The following NCAPG2 variants were observed in gnomAD, a reference collection of about 807,000 sequenced individuals.
NCAPG2 encodes condensin-2 complex subunit G2.
In NCAPG2, 53 loss-of-function variants were observed where a neutral mutation model predicts 141.1. The observed-to-expected ratio is 0.38, with a 90% CI of 0.30 to 0.47. The LOEUF (loss-of-function observed/expected upper bound fraction) is 0.47, where lower values mean the gene tolerates loss of function less well. NCAPG2 is among the 20% of genes least tolerant of loss of function. The pLI, the probability that NCAPG2 is intolerant of heterozygous loss-of-function variation, is 0.99. For synonymous variants in NCAPG2, 499 were observed against 490.7 expected, an observed-to-expected ratio of 1.02 and a Z score of -0.22; for missense variants, 1,087 against 1,389.0, an observed-to-expected ratio of 0.78 and a Z score of 3.46.
At chr7:158,658,149 T>TAAAA (rs11444440) in intron 17 of NCAPG2, among the ~76,000 whole-genome samples, 189 bp downstream of exon 17, 1 of 97,496 alleles carries the variant, frequency 1.0e-5, no homozygotes, top group African/African-American at 4.2e-5. Context: ...GAATGATCAA[T>TAAAA]AAAAAAAAAA....
intron 19 of NCAPG2, 72 bp from the exon 20 acceptor site, chr7:158,655,527 A>C: frequency 7.9e-7 from 1 of 1,272,984 alleles, no homozygotes; most frequent in Non-Finnish European, 1.1e-6. Context: ...AGCAAGAACA[A>C]TGGGAAGCAC....
intron 15 of NCAPG2, among the ~76,000 whole-genome samples, chr7:158,662,733 C>T (rs1267531658): frequency 6.6e-6 from 1 of 152,144 alleles, no homozygotes; most frequent in Non-Finnish European, 1.5e-5. Context: ...CACCACAAAT[C>T]TCGATGCAGG....
At chr7:158,701,765 G>C in intron 2 of NCAPG2, 57 bp downstream of exon 2, 1 of 1,427,022 alleles carries the variant, frequency 7.0e-7, no homozygotes, top group Non-Finnish European at 9.9e-7. Flanking sequence ...AATGACTTTA[G>C]AACATATTTC....
In NCAPG2 at chr7:158,694,514, C is replaced by G. The variant is rs150330681; in HGVS notation, c.79-1017G>C. Among the ~76,000 whole-genome samples, 24 of 152,302 alleles carry G rather than the reference C, an allele frequency of 1.6e-4. 1 individual carries two copies. Among genetic ancestry groups the G allele is most frequent in the African/African-American group, 5.3e-4 (22 of 41,568 alleles). ...CCACACAGGGACGGACAGACCATGC[C>G]ATGCGCTTCCTGTCTTGACAGCGCC... On this transcript the variant is annotated intron_variant, in intron 2 of 27. Coordinates refer to ENST00000356309, the MANE Select transcript of NCAPG2 (RefSeq NM_017760.7).
At chr7:158,699,592 C>G (rs764386393) in intron 2 of NCAPG2, among the ~76,000 whole-genome samples, 33 of 152,282 alleles carry the variant, frequency 2.2e-4, no homozygotes, top group Non-Finnish European at 4.6e-4. Context: ...TCCAACCCCA[C>G]TGCACTGCAC....
At chr7:158,697,219 G>C (rs1361351650) in intron 2 of NCAPG2, among the ~76,000 whole-genome samples, 1 of 152,212 alleles carries the variant, frequency 6.6e-6, no homozygotes, top group African/African-American at 2.4e-5. Context: ...TGTTAAGGTG[G>C]AAGACAGTGA....
rs564229707 is a variant in NCAPG2, at chr7:158,655,847, G to A, written c.2389-392C>T. On this transcript the variant is annotated intron_variant, in intron 19 of 27. Coordinates refer to ENST00000356309, the MANE Select transcript of NCAPG2 (RefSeq NM_017760.7). ...CTCCTGGAGGAGAGGAAGAGATGAC[G>A]GCCTCCGTGGGACAGCTGGGAGCAT... 3.5e-4 allele frequency among the ~76,000 whole-genome samples: 31 copies of A among 89,642 alleles called. No homozygotes were observed. The East Asian group carries it at 3.7e-3, about 11-fold the overall frequency. The allele number at this position is 89,642 out of a possible 152,430, so 58.8% of individuals were successfully genotyped here.
At chr7:158,702,086 C>T (rs1246467179) in intron 1 of NCAPG2, 148 bp from the exon 2 acceptor site, 2 of 527,876 alleles carry the variant, frequency 3.8e-6, no homozygotes, top group Admixed American at 4.0e-5. Flanking sequence ...ATAAAACACG[C>T]TATAATATCT....
rs1831667522 is a variant in NCAPG2, at chr7:158,653,609, G to A, written c.2746+986C>T. On this transcript the variant is annotated intron_variant, in intron 22 of 27. Transcript: ENST00000356309. ...TACACTGGGGGTGTCCACACACACA[G>A]ACCCCTCTGGAATCTGCCATGAAGA... 4.6e-5 allele frequency among the ~76,000 whole-genome samples: 7 copies of A among 152,264 alleles called. No individual in the cohort carries two copies. The South Asian group carries it at 1.5e-3, about 32-fold the overall frequency.
At chr7:158,704,530 A>T (rs1037524537) in intron 1 of NCAPG2, among the ~76,000 whole-genome samples, 194 bp downstream of exon 1, 1 of 152,132 alleles carries the variant, frequency 6.6e-6, no homozygotes, top group Non-Finnish European at 1.5e-5. Context: ...TGAGCTGGGT[A>T]GGGGGGATGG....
In NCAPG2 at chr7:158,675,659, A is replaced by G. The variant is rs186677754; in HGVS notation, c.1147-3T>C. The G allele has an allele frequency of 5.6e-6, 9 of 1,607,154 alleles. No homozygotes were observed. In the East Asian group the frequency reaches 6.7e-5, roughly 12 times the overall value. On this transcript the variant is annotated splice_region_variant and splice_polypyrimidine_tract_variant and intron_variant, in intron 11 of 27. Coordinates refer to ENST00000356309, the MANE Select transcript of NCAPG2 (RefSeq NM_017760.7). ...GGGTAAGGATCTTCTAAAAGGCTCTATAAGTAGGAGGGGAGAAAGGCTTAA... is the reference window on the plus strand; with the variant it reads ...GGGTAAGGATCTTCTAAAAGGCTCTGTAAGTAGGAGGGGAGAAAGGCTTAA...
At chr7:158,648,541 A>G (rs1467286895) in intron 24 of NCAPG2, among the ~76,000 whole-genome samples, 1 of 148,642 alleles carries the variant, frequency 6.7e-6, no homozygotes, top group South Asian at 2.2e-4. Context: ...ATGGACGACA[A>G]CCACGGCAAA....
chr7:158,635,259 G>A (rs1830107242), intron 27 of NCAPG2, among the ~76,000 whole-genome samples: 1 of 151,630 alleles, frequency 6.6e-6, no homozygotes, highest in East Asian at 1.9e-4. Flanking sequence ...CCTCAAATTC[G>A]TTTAAAAAAA....
intron 2 of NCAPG2, 41 bp downstream of exon 2, chr7:158,701,781 C>A: frequency 6.6e-7 from 1 of 1,518,416 alleles, no homozygotes; most frequent in Non-Finnish European, 9.1e-7. Flanking sequence ...ATTTCATATT[C>A]ACAGTCAAAA....
intron 12 of NCAPG2, 141 bp from the exon 13 acceptor site, chr7:158,671,807 C>T (rs1833703389): frequency 1.1e-6 from 1 of 927,384 alleles, no homozygotes; most frequent in Admixed American, 2.9e-5. Context: ...TGGAAAATAC[C>T]ACTTTTTCTA....
rs1830837369 is a variant in NCAPG2, at chr7:158,644,183, T to C, written c.3380+106A>G. 3 of 931,892 alleles carry C rather than the reference T, an allele frequency of 3.2e-6. 1 individual carries two copies. The East Asian group carries it at 7.3e-5, about 23-fold the overall frequency. The allele number at this position is 931,892 out of a possible 1,614,324, so 57.7% of individuals were successfully genotyped here. A position where few individuals can be genotyped will look rare whatever the true frequency, so the allele number is the denominator to read the frequency against. On this transcript the variant is annotated intron_variant, in intron 27 of 27. Coordinates refer to ENST00000356309, the MANE Select transcript of NCAPG2 (RefSeq NM_017760.7). ...TCTCTCCTTAGAGTCCCCAGTCTCCTAACCACCTGGGTGTAAGTAGCAGAA... is the reference window on the plus strand; with the variant it reads ...TCTCTCCTTAGAGTCCCCAGTCTCCCAACCACCTGGGTGTAAGTAGCAGAA...
intron 27 of NCAPG2, among the ~76,000 whole-genome samples, chr7:158,643,576 A>G (rs1434248597): frequency 1.3e-5 from 2 of 152,242 alleles, no homozygotes; most frequent in East Asian, 1.9e-4. Flanking sequence ...TTTATTCACA[A>G]ATTAGGAGTT....
At chr7:158,641,574 A>AG in intron 27 of NCAPG2, 1 of 618,026 alleles carries the variant, frequency 1.6e-6, no homozygotes. Context: ...AAAAAAAAAA[A>AG]GGAAATGAAT....
chr7:158,637,913 G>A (rs1274397739), intron 27 of NCAPG2, among the ~76,000 whole-genome samples: 7 of 152,172 alleles, frequency 4.6e-5, no homozygotes, highest in Admixed American at 6.5e-5. Flanking sequence ...GGAGGCCGAG[G>A]CGGGCGGATC....
Sources: gnomAD v4.1 joint callset for allele counts (sites outside exome capture counted in the v4.1 genomes callset) on GRCh38, gnomAD v4.1.1 for gene constraint, MANE v1.5 for transcripts, NCBI Gene and HGNC (gene_info 2026-07-23, HGNC 2026-07-21) for gene names.